The following ARL5B variants were observed in gnomAD, a reference collection of about 807,000 sequenced individuals.
ARL5B encodes ADP-ribosylation factor-like protein 5B.
In ARL5B, 10 loss-of-function variants were observed where a neutral mutation model predicts 26.9. The observed-to-expected ratio is 0.37, with a 90% confidence interval of 0.23 to 0.63. The LOEUF is 0.63. ARL5B is among the 30% of genes least tolerant of loss of function. The probability of loss-of-function intolerance (pLI) is 0.62; values close to 1 mark genes in which losing one functional copy is unlikely to be tolerated. For missense variants in ARL5B, 167 were observed against 213.9 expected (o/e 0.78, Z 1.37); for synonymous variants, 87 against 70.4 (o/e 1.24, Z -1.18).
intron 2 of ARL5B, among the ~76,000 whole-genome samples, chr10:18,667,262 A>G (rs1367944463): frequency 6.6e-6 from 1 of 152,148 alleles, no homozygotes; most frequent in African/African-American, 2.4e-5. Flanking sequence ...TCTTTGCCCC[A>G]TTGTGTGGCT....
chr10:18,673,124 G>A (rs1199663187), intron 4 of ARL5B, among the ~76,000 whole-genome samples: 8 of 151,724 alleles, frequency 5.3e-5, no homozygotes, highest in African/African-American at 1.5e-4. Flanking sequence ...GTACCGTGGC[G>A]CGATCTTGGC....
chr10:18,672,950 T>C (rs1386023754), intron 4 of ARL5B, among the ~76,000 whole-genome samples: 1 of 152,232 alleles, frequency 6.6e-6, no homozygotes, highest in Non-Finnish European at 1.5e-5. Flanking sequence ...AAAGCTAAAG[T>C]TACTTAAGCA....
Position 18,668,604 on chromosome 10 carries a change from A to G in ARL5B, c.182A>G (p.His61Arg), listed in dbSNP as rs1214819809. The G allele has an allele frequency of 2.5e-6, 4 of 1,613,928 alleles. No individual in the cohort carries two copies. The highest frequency in any genetic ancestry group is 3.3e-5 in the Admixed American group (2 of 59,978). ...NVEEIVVKNT[H>R]FLMWDIGGQE... is the part of the protein sequence containing the mutation. ...GAAGAAATAGTTGTGAAGAACACTC[A>G]TTTTCTTATGTGGGATATTGGTGGT... The change falls in exon 3 of 6, where the codon CAT becomes CGT. Residue 61 changes from histidine (H) to arginine (R), a missense_variant. Physicochemically the swap from His to Arg is conservative, Grantham distance 29. Coordinates refer to ENST00000377275, the MANE Select transcript of ARL5B (RefSeq NM_178815.5).
intron 3 of ARL5B, among the ~76,000 whole-genome samples, chr10:18,671,267 G>A (rs2059885823): frequency 2.0e-5 from 3 of 151,668 alleles, no homozygotes; most frequent in Non-Finnish European, 4.4e-5. Context: ...CCGCCTCCCA[G>A]GTTCAAAGGA....
chr10:18,676,691 G>C lies in ARL5B; in HGVS notation c.*1475G>C, dbSNP rs2059911924. On this transcript the variant is annotated 3_prime_UTR_variant, in exon 6 of 6. Coordinates refer to ENST00000377275, the MANE Select transcript of ARL5B (RefSeq NM_178815.5). ...CAAAGTTCATAATATCAAAATATGT[G>C]TTCAAAATTGGTATTTTAATTTTAA... 2 of 151,920 alleles carry C rather than the reference G, an allele frequency of 1.3e-5. No individual in the cohort carries two copies. Among genetic ancestry groups the C allele is most frequent in the Non-Finnish European group, 2.9e-5 (2 of 67,842 alleles). The allele number at this position is 151,920 out of a possible 1,614,324, so 9.4% of individuals were successfully genotyped here. A position where few individuals can be genotyped will look rare whatever the true frequency, so the allele number is the denominator to read the frequency against.
At chr10:18,666,748 G>GT (rs1564864592) in intron 2 of ARL5B, 113 bp downstream of exon 2, 2 of 848,676 alleles carry the variant, frequency 2.4e-6, no homozygotes, top group East Asian at 3.0e-5. Flanking sequence ...TATGTTTTTT[G>GT]TTTTTTGTTT....
chr10:18,669,396 A>G (rs1179473762), intron 3 of ARL5B, among the ~76,000 whole-genome samples: 4 of 152,160 alleles, frequency 2.6e-5, no homozygotes, highest in Non-Finnish European at 5.9e-5. Flanking sequence ...AATTTTTTAT[A>G]CCATGAACAT....
chr10:18,668,497 A>G (rs748526695), intron 2 of ARL5B, 33 bp from the exon 3 acceptor site: 2 of 1,608,340 alleles, frequency 1.2e-6, no homozygotes, highest in South Asian at 2.2e-5. Flanking sequence ...CTCAAGATTT[A>G]CAAGAGCTTT....
intron 2 of ARL5B, among the ~76,000 whole-genome samples, chr10:18,667,896 G>C (rs1383546698): frequency 3.9e-5 from 6 of 152,056 alleles, no homozygotes; most frequent in Non-Finnish European, 8.8e-5. Flanking sequence ...TGTATTTTTA[G>C]TAGAGACGAG....
chr10:18,675,106 A>C, intron 5 of ARL5B, 62 bp from the exon 6 acceptor site: 1 of 1,491,036 alleles, frequency 6.7e-7, no homozygotes, highest in South Asian at 1.2e-5. Context: ...AAAAATAATA[A>C]GTACGCTTTC....
intron 2 of ARL5B, among the ~76,000 whole-genome samples, 156 bp from the exon 3 acceptor site, chr10:18,668,374 A>G (rs2059870901): frequency 6.6e-6 from 1 of 152,172 alleles, no homozygotes; most frequent in South Asian, 2.1e-4. Flanking sequence ...TTATCTAGAT[A>G]TTGATTTGCG....
At position 18,680,642 on chromosome 10, in the gene ARL5B, T is replaced by C. The variant is rs57264737; in HGVS notation, c.*5426T>C. On this transcript the variant is annotated 3_prime_UTR_variant, in exon 6 of 6. Coordinates refer to ENST00000377275, the MANE Select transcript of ARL5B (RefSeq NM_178815.5). ...TTCTCTTGGAGTAAACTGTTGAGTG[T>C]AGTTACAAAAACTTTTATTTATGAC... The C allele has an allele frequency of 3.3e-5, 5 of 152,250 alleles. No individual in the cohort carries two copies. The East Asian group carries it at 9.6e-4, about 29-fold the overall frequency. The allele number at this position is 152,250 out of a possible 1,614,324, so 9.4% of individuals were successfully genotyped here. A position where few individuals can be genotyped will look rare whatever the true frequency, so the allele number is the denominator to read the frequency against.
At chr10:18,668,854 C>G (rs1281497637) in intron 3 of ARL5B, among the ~76,000 whole-genome samples, 177 bp downstream of exon 3, 1 of 151,542 alleles carries the variant, frequency 6.6e-6, no homozygotes, top group Non-Finnish European at 1.5e-5. Context: ...GCTGCAAGCT[C>G]CGCCTGCTGA....
In ARL5B at chr10:18,663,848, C is replaced by T. The variant is rs184273347; in HGVS notation, c.47-2727C>T. Among the ~76,000 whole-genome samples, 722 of 151,166 alleles carry T rather than the reference C, an allele frequency of 4.8e-3. 3 individuals are homozygous for T. The highest frequency in any genetic ancestry group is 0.015 in the African/African-American group (599 of 41,230). ...CAGGTGTGAGCTACTGCGCCCGGCC[C>T]CAGCTTATTCTGCTCTTAACTCTGG... On this transcript the variant is annotated intron_variant, in intron 1 of 5. Coordinates refer to ENST00000377275, the MANE Select transcript of ARL5B (RefSeq NM_178815.5).
chr10:18,666,848 G>A (rs920918323), intron 2 of ARL5B, among the ~76,000 whole-genome samples: 2 of 151,958 alleles, frequency 1.3e-5, no homozygotes, highest in African/African-American at 4.8e-5. Context: ...TTCTGCCCTC[G>A]AAAGAAAGAA....
At chr10:18,666,471 G>A in intron 1 of ARL5B, 104 bp from the exon 2 acceptor site, 1 of 910,266 alleles carries the variant, frequency 1.1e-6, no homozygotes, top group Non-Finnish European at 1.6e-6. Context: ...TAGATATTCA[G>A]TGAATGATTC....
At position 18,679,893 on chromosome 10, in the gene ARL5B, C is replaced by G. The variant is rs527544046; in HGVS notation, c.*4677C>G. On this transcript the variant is annotated 3_prime_UTR_variant, in exon 6 of 6. Transcript: ENST00000377275. ...GGGTACTTAAAATTACTAAAAAATACTGTCTTTTTACCATACAGCTAGATG... is the reference window on the plus strand; with the variant it reads ...GGGTACTTAAAATTACTAAAAAATAGTGTCTTTTTACCATACAGCTAGATG... 6.6e-6 allele frequency: 1 copy of G among 151,980 alleles called. No homozygotes were observed. Among genetic ancestry groups the G allele is most frequent in the African/African-American group, 2.4e-5 (1 of 41,536 alleles). The allele number at this position is 151,980 out of a possible 1,614,324, so 9.4% of individuals were successfully genotyped here.
rs1482004738 is a variant in ARL5B, at chr10:18,668,536, G to A, written c.114G>A (p.Met38Ile). ...GGTGTCTGTTTTTCAACAGCTTAAT[G>A]AATGAAGTGGTTCATACTTCTCCAA... ...GKTTILYQFL[M>I]NEVVHTSPTI... Residue 38 changes from methionine (M) to isoleucine (I), a missense_variant, in exon 3 of 6, where the codon ATG becomes ATA. Physicochemically the swap from Met to Ile is conservative, Grantham distance 10. Transcript: ENST00000377275. 3 of 1,613,850 alleles carry A rather than the reference G, an allele frequency of 1.9e-6. No homozygotes were observed. The highest frequency in any genetic ancestry group is 3.3e-5 in the Admixed American group (2 of 59,964).
At chr10:18,661,359 A>G (rs1449960782) in intron 1 of ARL5B, among the ~76,000 whole-genome samples, 1 of 152,124 alleles carries the variant, frequency 6.6e-6, no homozygotes, top group Non-Finnish European at 1.5e-5. Context: ...GACTAGAGGT[A>G]ATAAAAGATG....
Sources: allele counts gnomAD v4.1 joint callset (sites outside exome capture counted in the v4.1 genomes callset), GRCh38; gene constraint gnomAD v4.1.1; transcripts MANE v1.5; gene names NCBI Gene and HGNC (gene_info 2026-07-23, HGNC 2026-07-21).